Variants in EPHB1 observed in about 807,000 individuals in gnomAD.
EPHB1 encodes the protein EPH receptor B1.
A neutral mutation model predicts 94.4 loss-of-function variants in EPHB1; 30 were observed. That is an observed-to-expected ratio of 0.32 (90% CI 0.24 to 0.43). EPHB1 has a LOEUF of 0.43. Among genes scored for constraint, EPHB1 ranks in the 20% least tolerant of loss-of-function variants. The pLI is 1.00. For missense variants in EPHB1, 1,055 were observed against 1,308.3 expected (o/e 0.81, Z 2.99); for synonymous variants, 522 against 489.1 (o/e 1.07, Z -0.89).
chr3:134,819,814 T>C (rs552356985), intron 1 of EPHB1, among the ~76,000 whole-genome samples: 1 of 152,268 alleles, frequency 6.6e-6, no homozygotes, highest in South Asian at 2.1e-4. Context: ...GTTGCCTTCT[T>C]TTCTAGCCCG....
chr3:134,993,650 C>G (rs1934894222), intron 3 of EPHB1, among the ~76,000 whole-genome samples: 1 of 152,202 alleles, frequency 6.6e-6, no homozygotes, highest in African/African-American at 2.4e-5. Context: ...AAGGAGCTTC[C>G]CTGAACTTCC....
intron 1 of EPHB1, among the ~76,000 whole-genome samples, chr3:134,896,381 C>T (rs1252570532): frequency 1.3e-5 from 2 of 152,190 alleles, no homozygotes; most frequent in African/African-American, 4.8e-5. Context: ...ACAAGGGGGA[C>T]AATCACAGAA....
intron 11 of EPHB1, 133 bp from the exon 12 acceptor site, chr3:135,201,341 A>G: frequency 1.2e-6 from 1 of 805,690 alleles, no homozygotes; most frequent in South Asian, 1.6e-5. Context: ...GGGAGTGGGA[A>G]GAGAGGAGGA....
intron 3 of EPHB1, among the ~76,000 whole-genome samples, chr3:134,973,214 G>A (rs973695263): frequency 1.3e-5 from 2 of 152,172 alleles, no homozygotes; most frequent in African/African-American, 4.8e-5. Flanking sequence ...ACAACAACAG[G>A]ATTGCTTTCT....
intron 1 of EPHB1, among the ~76,000 whole-genome samples, chr3:134,888,713 A>G (rs1475129848): frequency 6.6e-6 from 1 of 151,838 alleles, no homozygotes; most frequent in Non-Finnish European, 1.5e-5. Context: ...TCTCAAAAAA[A>G]AAAAAAAAAA....
At chr3:135,080,788 C>A (rs1056110225) in intron 3 of EPHB1, among the ~76,000 whole-genome samples, 1 of 152,128 alleles carries the variant, frequency 6.6e-6, no homozygotes, top group Non-Finnish European at 1.5e-5. Flanking sequence ...ATAATAGCAC[C>A]TACCTCATAG....
chr3:134,894,741 A>G (rs986003802), intron 1 of EPHB1, among the ~76,000 whole-genome samples: 2 of 152,130 alleles, frequency 1.3e-5, no homozygotes, highest in African/African-American at 2.4e-5. Context: ...TCATGAATAC[A>G]CCTGACATAG....
intron 1 of EPHB1, among the ~76,000 whole-genome samples, chr3:134,908,424 A>G (rs983102531): frequency 6.6e-6 from 1 of 152,068 alleles, no homozygotes; most frequent in Admixed American, 6.5e-5. Flanking sequence ...CCCCCATATT[A>G]TCCTACCCAG....
chr3:134,844,219 A>G (rs916092830), intron 1 of EPHB1, among the ~76,000 whole-genome samples: 4 of 152,182 alleles, frequency 2.6e-5, no homozygotes, highest in Non-Finnish European at 4.4e-5. Context: ...CGGTCTGCCA[A>G]TGATTAGACA....
chr3:134,954,984 G>A (rs544962650), intron 3 of EPHB1, among the ~76,000 whole-genome samples: 1 of 149,528 alleles, frequency 6.7e-6, no homozygotes, highest in East Asian at 2.1e-4. Context: ...AAGCTATGGG[G>A]AGAACTTGCG....
chr3:135,213,104 G>T (rs1943068842), intron 12 of EPHB1, among the ~76,000 whole-genome samples: 1 of 152,126 alleles, frequency 6.6e-6, no homozygotes, highest in African/African-American at 2.4e-5. Flanking sequence ...TTTCCTACCA[G>T]GTCCTCAAAC....
intron 12 of EPHB1, among the ~76,000 whole-genome samples, chr3:135,235,831 A>AAGGT (rs1248957077): frequency 2.6e-5 from 4 of 152,150 alleles, no homozygotes; most frequent in Non-Finnish European, 4.4e-5. Flanking sequence ...GCAGTGCTTC[A>AAGGT]AGGTATGAAC....
At chr3:135,252,207 ATTTT>A (rs950812157) in intron 15 of EPHB1, among the ~76,000 whole-genome samples, 2 of 150,944 alleles carry the variant, frequency 1.3e-5, no homozygotes, top group African/African-American at 4.9e-5. Flanking sequence ...ATTTTTTAAT[ATTTT>A]TTATTTATTT....
At chr3:134,978,787 G>A (rs1261159078) in intron 3 of EPHB1, among the ~76,000 whole-genome samples, 1 of 152,220 alleles carries the variant, frequency 6.6e-6, no homozygotes, top group Non-Finnish European at 1.5e-5. Context: ...CCTCCAGGTT[G>A]CTCCTGTGGC....
chr3:134,935,037 C>G (rs1272073945), intron 2 of EPHB1, among the ~76,000 whole-genome samples: 1 of 152,136 alleles, frequency 6.6e-6, no homozygotes, highest in East Asian at 1.9e-4. Flanking sequence ...TCTTGGAAAC[C>G]TTTATGCAAC....
At chr3:134,934,848 A>G (rs1252396385) in intron 2 of EPHB1, among the ~76,000 whole-genome samples, 1 of 152,174 alleles carries the variant, frequency 6.6e-6, no homozygotes, top group Non-Finnish European at 1.5e-5. Context: ...AGACTCATTC[A>G]TCAACAGAGC....
At chr3:135,135,465 A>T (rs138424576) in intron 5 of EPHB1, among the ~76,000 whole-genome samples, 3 of 152,228 alleles carry the variant, frequency 2.0e-5, no homozygotes, top group Admixed American at 1.3e-4. Flanking sequence ...AACAGAAGCT[A>T]TGCATTTTAC....
chr3:134,800,906 G>A (rs1292569715), intron 1 of EPHB1, among the ~76,000 whole-genome samples: 1 of 152,194 alleles, frequency 6.6e-6, no homozygotes, highest in East Asian at 1.9e-4. Flanking sequence ...AATTTGATAA[G>A]GTCACACAGC....
intron 2 of EPHB1, among the ~76,000 whole-genome samples, chr3:134,929,693 A>G (rs2038867239): frequency 6.6e-6 from 1 of 152,166 alleles, no homozygotes; most frequent in Admixed American, 6.5e-5. Context: ...ATGTGATGGC[A>G]TGGCTGGGAC....
Sources: gnomAD v4.1 joint callset for allele counts (sites outside exome capture counted in the v4.1 genomes callset) on GRCh38, gnomAD v4.1.1 for gene constraint, MANE v1.5 for transcripts, NCBI Gene and HGNC (gene_info 2026-07-23, HGNC 2026-07-21) for gene names.